PAPPA2: variants seen among roughly 807,000 people sequenced by gnomAD.
PAPPA2 encodes the protein pappalysin 2, also known as pappalysin-2.
PAPPA2 carries 86 observed loss-of-function variants against 176.4 expected under a neutral mutation model. The ratio of observed to expected loss-of-function variants is 0.49; its 90% CI spans 0.41 to 0.58. The LOEUF is 0.58. PAPPA2 is among the 20% of genes least tolerant of loss of function. PAPPA2 has a pLI of 0.00. For missense variants in PAPPA2, 2,073 were observed against 2,256.9 expected, an observed-to-expected ratio of 0.92 and a Z score of 1.65; for synonymous variants, 809 against 852.2, an observed-to-expected ratio of 0.95 and a Z score of 0.88.
rs1422238619 is a variant in PAPPA2, at chr1:176,843,138, T to G, written c.*684T>G. 6 of 152,092 alleles carry G rather than the reference T, an allele frequency of 3.9e-5. No homozygotes were observed. The highest frequency in any genetic ancestry group is 1.4e-4 in the African/African-American group (6 of 41,422). 9.4% of individuals were successfully genotyped at this position (152,092 alleles called of 1,614,324 possible). On this transcript the variant is annotated 3_prime_UTR_variant, in exon 23 of 23. Transcript: ENST00000367662. Reference sequence around the variant, plus strand: ...GACAGAAAGGCAACTTATTTTCCCATCTTTCTATGGATGCGGATTGGCAGG... The same window carrying G: ...GACAGAAAGGCAACTTATTTTCCCAGCTTTCTATGGATGCGGATTGGCAGG...
chr1:176,687,898 G>A (rs1462268574), intron 4 of PAPPA2, among the ~76,000 whole-genome samples: 1 of 152,076 alleles, frequency 6.6e-6, no homozygotes, highest in Non-Finnish European at 1.5e-5. Context: ...AGGACTTTTC[G>A]GGGCCTTTAA....
chr1:176,660,328 T>C (rs1658286354), intron 3 of PAPPA2, among the ~76,000 whole-genome samples: 2 of 80,068 alleles, frequency 2.5e-5, no homozygotes, highest in East Asian at 4.9e-4. Flanking sequence ...ATTTTAGTAA[T>C]TGTTTGTTTG....
intron 1 of PAPPA2, among the ~76,000 whole-genome samples, chr1:176,524,179 A>G (rs1649354269): frequency 6.6e-6 from 1 of 152,220 alleles, no homozygotes; most frequent in Admixed American, 6.5e-5. Flanking sequence ...TTATGGCTTA[A>G]AACTGTTGTC....
chr1:176,688,709 C>T lies in PAPPA2; in HGVS notation c.2138-1428C>T, dbSNP rs576159939. ...ATGGCTTGGGTAATGTCAGTATGTTCGAGTAAACTGGGAGACTGGAACTTG... is the reference window on the plus strand; with the variant it reads ...ATGGCTTGGGTAATGTCAGTATGTTTGAGTAAACTGGGAGACTGGAACTTG... On this transcript the variant is annotated intron_variant, in intron 4 of 22. Coordinates refer to ENST00000367662, the MANE Select transcript of PAPPA2 (RefSeq NM_020318.3). Among the ~76,000 whole-genome samples the T allele has an allele frequency of 1.8e-4, 27 of 152,196 alleles. No homozygotes were observed. In the South Asian group the frequency reaches 5.0e-3, roughly 28 times the overall value.
intron 21 of PAPPA2, among the ~76,000 whole-genome samples, chr1:176,829,672 T>G (rs1305389779): frequency 6.6e-6 from 1 of 152,240 alleles, no homozygotes; most frequent in Admixed American, 6.5e-5. Context: ...CTCAGCTGCA[T>G]GTAATCTGTC....
chr1:176,810,448 A>G (rs1305334252), intron 21 of PAPPA2, among the ~76,000 whole-genome samples: 1 of 152,158 alleles, frequency 6.6e-6, no homozygotes, highest in Non-Finnish European at 1.5e-5. Context: ...ATCATCAGGC[A>G]TTATTTAGAT....
intron 2 of PAPPA2, among the ~76,000 whole-genome samples, chr1:176,564,182 G>A (rs1034836438): frequency 1.3e-5 from 2 of 152,204 alleles, no homozygotes; most frequent in Non-Finnish European, 2.9e-5. Context: ...GGCAGCCTGA[G>A]ATTCTGCATT....
At chr1:176,769,207 C>T (rs1259824337) in intron 15 of PAPPA2, among the ~76,000 whole-genome samples, 3 of 152,202 alleles carry the variant, frequency 2.0e-5, no homozygotes, top group Non-Finnish European at 4.4e-5. Flanking sequence ...CTCTTCTCCT[C>T]TCCCTCTCCA....
chr1:176,467,940 A>G (rs1263574207), intron 1 of PAPPA2, among the ~76,000 whole-genome samples: 2 of 152,234 alleles, frequency 1.3e-5, no homozygotes, highest in African/African-American at 4.8e-5. Context: ...GATGAAGAAT[A>G]GCATTTGTGT....
intron 3 of PAPPA2, among the ~76,000 whole-genome samples, chr1:176,665,480 G>A (rs983657721): frequency 1.3e-5 from 2 of 152,148 alleles, no homozygotes; most frequent in East Asian, 3.9e-4. Flanking sequence ...TGGTGCTGAC[G>A]TCCCTTAATT....
rs192895590 is a variant in PAPPA2, at chr1:176,717,035, C to G, written c.3798+5054C>G. 6.6e-3 allele frequency among the ~76,000 whole-genome samples: 998 copies of G among 152,232 alleles called. 4 individuals are homozygous for G. Among genetic ancestry groups the G allele is most frequent in the Middle Eastern group, 0.024 (7 of 294 alleles). ...CCAGCTGTCCAAAGATTTTTATTCCCCCAGTGCTAGGCAGAAAGCAAAGTA... is the reference window on the plus strand; with the variant it reads ...CCAGCTGTCCAAAGATTTTTATTCCGCCAGTGCTAGGCAGAAAGCAAAGTA... On this transcript the variant is annotated intron_variant, in intron 12 of 22. Coordinates refer to ENST00000367662, the MANE Select transcript of PAPPA2 (RefSeq NM_020318.3).
intron 1 of PAPPA2, among the ~76,000 whole-genome samples, chr1:176,482,011 CA>C (rs760126286): frequency 1.3e-5 from 2 of 152,142 alleles, no homozygotes; most frequent in Non-Finnish European, 2.9e-5. Context: ...CACAGCCGGA[CA>C]AGAATAGATG....
At chr1:176,822,104 C>A (rs1160628452) in intron 21 of PAPPA2, among the ~76,000 whole-genome samples, 1 of 152,186 alleles carries the variant, frequency 6.6e-6, no homozygotes, top group Non-Finnish European at 1.5e-5. Flanking sequence ...AATAAACATT[C>A]CCTTTCAAGG....
At position 176,763,188 on chromosome 1, in the gene PAPPA2, A is replaced by G. The variant is rs186944913; in HGVS notation, c.4152-2478A>G. 1.2e-3 allele frequency among the ~76,000 whole-genome samples: 181 copies of G among 152,322 alleles called. 1 individual carries two copies. Among genetic ancestry groups the G allele is most frequent in the African/African-American group, 4.1e-3 (172 of 41,578 alleles). ...AAGTAGTTGACCACTAACACAATTC[A>G]GGGACAAACAGAGCACACTACTGAT... On this transcript the variant is annotated intron_variant, in intron 14 of 22. Coordinates refer to ENST00000367662, the MANE Select transcript of PAPPA2 (RefSeq NM_020318.3).
At chr1:176,767,840 T>C (rs150476939) in intron 15 of PAPPA2, among the ~76,000 whole-genome samples, 1 of 152,250 alleles carries the variant, frequency 6.6e-6, no homozygotes, top group East Asian at 1.9e-4. Flanking sequence ...ATGAAGAAAA[T>C]TATAGAATCC....
Position 176,844,953 on chromosome 1 carries a change from A to C in PAPPA2, c.*2499A>C, listed in dbSNP as rs933544993. On this transcript the variant is annotated 3_prime_UTR_variant, in exon 23 of 23. Transcript: ENST00000367662. ...CCACTGCTCTGGGAAAGCAAAAGGA[A>C]AGTTCCTGTTGTGTGTGAAGAGCCT... 1.3e-5 allele frequency: 2 copies of C among 152,170 alleles called. No individual in the cohort carries two copies. Among genetic ancestry groups the C allele is most frequent in the African/African-American group, 2.4e-5 (1 of 41,452 alleles). The allele number at this position is 152,170 out of a possible 1,614,324, so 9.4% of individuals were successfully genotyped here.
chr1:176,816,633 T>A (rs1001286024), intron 21 of PAPPA2, among the ~76,000 whole-genome samples: 4 of 152,024 alleles, frequency 2.6e-5, no homozygotes, highest in Non-Finnish European at 5.9e-5. Flanking sequence ...CCTTTTTTGT[T>A]CCTTTTTTAT....
At chr1:176,675,260 G>T (rs1323625127) in intron 4 of PAPPA2, among the ~76,000 whole-genome samples, 1 of 152,052 alleles carries the variant, frequency 6.6e-6, no homozygotes, top group Non-Finnish European at 1.5e-5. Context: ...GATTGTTCAT[G>T]CACAGTGTCT....
At chr1:176,599,894 G>A (rs533941093) in intron 3 of PAPPA2, among the ~76,000 whole-genome samples, 1 of 152,096 alleles carries the variant, frequency 6.6e-6, no homozygotes, top group South Asian at 2.1e-4. Flanking sequence ...AAATTTGAAG[G>A]CAGAAACATA....
Sources: gnomAD v4.1 joint callset for allele counts (sites outside exome capture counted in the v4.1 genomes callset) on GRCh38, gnomAD v4.1.1 for gene constraint, MANE v1.5 for transcripts, NCBI Gene and HGNC (gene_info 2026-07-23, HGNC 2026-07-21) for gene names.